The following AFG1L variants were observed in gnomAD, a reference collection of about 807,000 sequenced individuals.
The protein encoded by AFG1L is AFG1-like ATPase.
AFG1L carries 53 observed loss-of-function variants against 62.2 expected under a neutral mutation model. The ratio of observed to expected loss-of-function variants is 0.85; its 90% CI spans 0.68 to 1.07. AFG1L has a LOEUF of 1.07. Among genes scored for constraint, AFG1L ranks in the 50% least tolerant of loss-of-function variants. AFG1L has a pLI of 0.00. For missense variants in AFG1L, 555 were observed against 590.5 expected (o/e 0.94, Z 0.62); for synonymous variants, 228 against 210.3 (o/e 1.08, Z -0.73).
intron 3 of AFG1L, among the ~76,000 whole-genome samples, chr6:108,351,375 C>T (rs921255139): frequency 4.6e-5 from 7 of 152,206 alleles, no homozygotes; most frequent in African/African-American, 7.2e-5. Context: ...TCATTATATG[C>T]GTTACTGTTT....
At chr6:108,350,231 AAAAT>A (rs1779028298) in intron 3 of AFG1L, among the ~76,000 whole-genome samples, 1 of 151,878 alleles carries the variant, frequency 6.6e-6, no homozygotes, top group Non-Finnish European at 1.5e-5. Flanking sequence ...AAATAAAATA[AAAAT>A]AAATAAATAA....
intron 6 of AFG1L, among the ~76,000 whole-genome samples, chr6:108,398,279 TG>T: frequency 6.6e-6 from 1 of 152,256 alleles, no homozygotes; most frequent in East Asian, 1.9e-4. Context: ...TCAAATCTTT[TG>T]CCCATCTTTT....
At position 108,384,796 on chromosome 6, in the gene AFG1L, C is replaced by G. The variant is rs371669063; in HGVS notation, c.749-17200C>G. 2.8e-5 allele frequency among the ~76,000 whole-genome samples: 4 copies of G among 145,438 alleles called. No homozygotes were observed. In the South Asian group the frequency reaches 8.3e-4, roughly 30 times the overall value. ...ATTCTAGAACTATAAAATATAATATCTTATATAAAAATTCACTTGATGGGC... is the reference window on the plus strand; with the variant it reads ...ATTCTAGAACTATAAAATATAATATGTTATATAAAAATTCACTTGATGGGC... On this transcript the variant is annotated intron_variant, in intron 6 of 12. Transcript: ENST00000368977.
chr6:108,395,665 G>C (rs1376772963), intron 6 of AFG1L, among the ~76,000 whole-genome samples: 1 of 151,686 alleles, frequency 6.6e-6, no homozygotes, highest in Non-Finnish European at 1.5e-5. Flanking sequence ...GCCTCCTAAA[G>C]TGCTGGAATT....
intron 1 of AFG1L, chr6:108,319,887 A>G: frequency 3.3e-6 from 1 of 304,148 alleles, no homozygotes. Flanking sequence ...TCTGCACATT[A>G]TTTGTACTAA....
chr6:108,514,625 A>C (rs1394123387), intron 11 of AFG1L, among the ~76,000 whole-genome samples: 5 of 152,254 alleles, frequency 3.3e-5, no homozygotes, highest in African/African-American at 1.2e-4. Context: ...TCATAATGAC[A>C]GGATCAAATT....
intron 1 of AFG1L, among the ~76,000 whole-genome samples, chr6:108,316,693 T>C (rs948601100): frequency 3.3e-5 from 5 of 151,684 alleles, no homozygotes; most frequent in African/African-American, 2.4e-5. Flanking sequence ...CCACCACGCC[T>C]GGCTAATTTT....
intron 7 of AFG1L, among the ~76,000 whole-genome samples, chr6:108,422,497 A>G (rs865982029): frequency 1.4e-4 from 21 of 147,824 alleles, no homozygotes; most frequent in African/African-American, 2.5e-4. Flanking sequence ...AAAAAAAAAA[A>G]AAGAAGAAGA....
chr6:108,308,918 G>A (rs1777304557), intron 1 of AFG1L, among the ~76,000 whole-genome samples: 1 of 152,044 alleles, frequency 6.6e-6, no homozygotes. Flanking sequence ...TGTTGGCCCC[G>A]CTAGTCTTGA....
intron 1 of AFG1L, among the ~76,000 whole-genome samples, chr6:108,314,135 G>A (rs2114254828): frequency 6.6e-6 from 1 of 152,126 alleles, no homozygotes; most frequent in South Asian, 2.1e-4. Flanking sequence ...GGAGGTTGAG[G>A]TGGGAAAATT....
chr6:108,402,184 G>A, intron 7 of AFG1L, 130 bp downstream of exon 7: 1 of 460,156 alleles, frequency 2.2e-6, no homozygotes, highest in Non-Finnish European at 3.9e-6. Context: ...ATAGTCAGGG[G>A]CCGGGCACGG....
chr6:108,327,363 T>C (rs1055239055), intron 2 of AFG1L, among the ~76,000 whole-genome samples: 6 of 152,230 alleles, frequency 3.9e-5, no homozygotes, highest in Non-Finnish European at 7.3e-5. Context: ...CTTCGTCCAC[T>C]TGGGCTTCTA....
chr6:108,385,069 C>T (rs1780704241), intron 6 of AFG1L, among the ~76,000 whole-genome samples: 1 of 152,126 alleles, frequency 6.6e-6, no homozygotes, highest in Admixed American at 6.5e-5. Flanking sequence ...TTATAGATTC[C>T]AGAAACTTAG....
intron 7 of AFG1L, among the ~76,000 whole-genome samples, chr6:108,436,177 G>A (rs1452151463): frequency 2.0e-5 from 3 of 151,904 alleles, no homozygotes; most frequent in Non-Finnish European, 2.9e-5. Flanking sequence ...ACAGAGTCTC[G>A]CTGTGTTGCC....
intron 11 of AFG1L, among the ~76,000 whole-genome samples, chr6:108,512,514 C>G (rs1325743673): frequency 6.6e-6 from 1 of 152,006 alleles, no homozygotes; most frequent in Non-Finnish European, 1.5e-5. Context: ...GAATGAAGGG[C>G]AGGGGCCTGG....
intron 7 of AFG1L, among the ~76,000 whole-genome samples, chr6:108,444,235 A>G (rs1265283256): frequency 6.6e-6 from 1 of 152,198 alleles, no homozygotes; most frequent in Non-Finnish European, 1.5e-5. Flanking sequence ...TTTATACTAT[A>G]CTATAGTCTA....
intron 1 of AFG1L, among the ~76,000 whole-genome samples, chr6:108,309,129 T>G (rs1303365226): frequency 2.0e-5 from 3 of 152,234 alleles, no homozygotes; most frequent in South Asian, 2.1e-4. Flanking sequence ...GAAGCTTTAT[T>G]GTTTTACCTT....
At chr6:108,417,284 AC>A (rs34722539) in intron 7 of AFG1L, among the ~76,000 whole-genome samples, 57,901 of 127,076 alleles carry the variant, frequency 0.46, 12,844 homozygotes, top group Non-Finnish European at 0.49. Context: ...ACACACACAC[AC>A]ACAAAAAAAA....
At chr6:108,479,234 C>T (rs1354451487) in intron 10 of AFG1L, among the ~76,000 whole-genome samples, 2 of 152,152 alleles carry the variant, frequency 1.3e-5, no homozygotes, top group Admixed American at 1.3e-4. Flanking sequence ...TCAAGAGATC[C>T]ACCCACCTCA....
Sources: gnomAD v4.1 joint callset for allele counts (sites outside exome capture counted in the v4.1 genomes callset) on GRCh38, gnomAD v4.1.1 for gene constraint, MANE v1.5 for transcripts, NCBI Gene and HGNC (gene_info 2026-07-23, HGNC 2026-07-21) for gene names.